The following SPOP variants were observed in gnomAD, a reference collection of about 807,000 sequenced individuals.
The protein encoded by SPOP is speckle type BTB/POZ protein.
SPOP carries 11 observed loss-of-function variants against 45.6 expected under a neutral mutation model. That is an observed-to-expected ratio of 0.24 (90% CI 0.15 to 0.40). SPOP has a LOEUF of 0.40. Ranked by LOEUF, SPOP falls within the 10% of genes least tolerant of loss-of-function variation. The probability of loss-of-function intolerance (pLI) is 1.00; values close to 1 mark genes in which losing one functional copy is unlikely to be tolerated. For synonymous variants in SPOP, 166 were observed against 166.3 expected, an observed-to-expected ratio of 1.00 and a Z score of 0.01; for missense variants, 152 against 465.6, an observed-to-expected ratio of 0.33 and a Z score of 6.20.
At chr17:49,622,686 A>G in intron 2 of SPOP, 47 bp downstream of exon 2, 2 of 1,557,916 alleles carry the variant, frequency 1.3e-6, no homozygotes, top group Non-Finnish European at 1.8e-6. Context: ...TTCGTCCACC[A>G]AATCCTCCCC....
chr17:49,608,086 ATATAT>A (rs769180675), intron 6 of SPOP, among the ~76,000 whole-genome samples, 157 bp from the exon 7 acceptor site: 6 of 152,154 alleles, frequency 3.9e-5, no homozygotes, highest in East Asian at 1.9e-4. Context: ...TCCTTTCTTC[ATATAT>A]TATAACAATA....
rs946343523 is a variant in SPOP at position 49,598,918 on chromosome 17, C to G, written c.*1460G>C. 10 of 186,158 alleles carry G rather than the reference C, an allele frequency of 5.4e-5. No homozygotes were observed. Among genetic ancestry groups the G allele is most frequent in the Non-Finnish European group, 1.1e-4 (10 of 87,792 alleles). 11.5% of individuals were successfully genotyped at this position (186,158 alleles called of 1,614,324 possible). A position where few individuals can be genotyped will look rare whatever the true frequency, so the allele number is the denominator to read the frequency against. On this transcript the variant is annotated 3_prime_UTR_variant, in exon 10 of 10. Transcript: ENST00000504102. ...ATAATTTCCCTTTATTTAATCTCCACATTTATGTCCCCTGGATCTTTTTAT... is the reference window on the plus strand; with the variant it reads ...ATAATTTCCCTTTATTTAATCTCCAGATTTATGTCCCCTGGATCTTTTTAT...
intron 1 of SPOP, among the ~76,000 whole-genome samples, chr17:49,653,806 T>C (rs1414247755): frequency 6.7e-6 from 1 of 149,068 alleles, no homozygotes; most frequent in Admixed American, 6.7e-5. Flanking sequence ...ACAAAAATAA[T>C]ATAAATATAT....
At position 49,600,278 on chromosome 17, in the gene SPOP, G is replaced by A. The variant is rs2071715931; in HGVS notation, c.*100C>T. The A allele has an allele frequency of 7.3e-6, 11 of 1,507,446 alleles. No homozygotes were observed. The highest frequency in any genetic ancestry group is 2.3e-5 in the East Asian group (1 of 44,206). 93.4% of individuals were successfully genotyped at this position (1,507,446 alleles called of 1,614,324 possible). A position where few individuals can be genotyped will look rare whatever the true frequency, so the allele number is the denominator to read the frequency against. On this transcript the variant is annotated 3_prime_UTR_variant, in exon 10 of 10. Coordinates refer to ENST00000504102, the MANE Select transcript of SPOP (RefSeq NM_001007228.2). The surrounding 1 kb of genome is among the most constrained non-coding windows in gnomAD (Gnocchi z 4.2). Reference sequence around the variant, plus strand: ...TGCAGTCTCTTCCCCTCACAACAGAGTAAAAGCTCCACAGATTGCGCTGTC... The same window carrying A: ...TGCAGTCTCTTCCCCTCACAACAGAATAAAAGCTCCACAGATTGCGCTGTC...
chr17:49,677,860 C>A (rs1048154984), intron 1 of SPOP, 73 bp downstream of exon 1: 1 of 393,984 alleles, frequency 2.5e-6, no homozygotes, highest in Non-Finnish European at 4.5e-6. Context: ...GGGTCAGTCA[C>A]CTCTTCAGGG....
intron 1 of SPOP, among the ~76,000 whole-genome samples, chr17:49,663,149 G>A (rs981223876): frequency 1.3e-5 from 2 of 152,368 alleles, no homozygotes; most frequent in East Asian, 3.9e-4. Context: ...CAGGAGGTGA[G>A]AGGTGGACGG....
intron 1 of SPOP, among the ~76,000 whole-genome samples, chr17:49,654,737 A>G (rs899795361): frequency 2.0e-5 from 3 of 152,292 alleles, no homozygotes; most frequent in African/African-American, 7.2e-5. Flanking sequence ...GTGGGCTGAG[A>G]TCGCATCAAT....
intron 1 of SPOP, among the ~76,000 whole-genome samples, chr17:49,676,357 T>A (rs2073199110): frequency 6.6e-6 from 1 of 152,150 alleles, no homozygotes; most frequent in African/African-American, 2.4e-5. Context: ...CTGTGTGTCA[T>A]CTCTTGGTTC....
intron 1 of SPOP, among the ~76,000 whole-genome samples, chr17:49,626,545 A>G (rs2072334969): frequency 6.6e-6 from 1 of 152,110 alleles, no homozygotes; most frequent in South Asian, 2.1e-4. Context: ...AAATACAAAA[A>G]TTAGCCGGGT....
At chr17:49,656,579 G>A (rs969973620) in intron 1 of SPOP, among the ~76,000 whole-genome samples, 3 of 151,986 alleles carry the variant, frequency 2.0e-5, no homozygotes, top group South Asian at 2.1e-4. Context: ...ATACCACCCC[G>A]AAAGCCAGAA....
At chr17:49,607,552 C>T (rs927294412) in intron 7 of SPOP, among the ~76,000 whole-genome samples, 180 bp from the exon 8 acceptor site, 1 of 152,116 alleles carries the variant, frequency 6.6e-6, no homozygotes, top group Non-Finnish European at 1.5e-5. Flanking sequence ...TCACATGTTC[C>T]ATCTTTGTTT....
At chr17:49,665,645 T>C (rs1305829964) in intron 1 of SPOP, among the ~76,000 whole-genome samples, 1 of 62,478 alleles carries the variant, frequency 1.6e-5, no homozygotes, top group South Asian at 6.2e-4. Context: ...TATATATATA[T>C]ACAGACACAC....
At chr17:49,652,354 G>GT (rs2072854140) in intron 1 of SPOP, among the ~76,000 whole-genome samples, 1 of 152,176 alleles carries the variant, frequency 6.6e-6, no homozygotes, top group Non-Finnish European at 1.5e-5. Flanking sequence ...TCTATTGCTT[G>GT]TGCCTAACTG....
chr17:49,644,615 T>A (rs986153101), intron 1 of SPOP, among the ~76,000 whole-genome samples: 2 of 152,176 alleles, frequency 1.3e-5, no homozygotes, highest in African/African-American at 4.8e-5. Context: ...ATATTCATAC[T>A]GTATAATAAA....
At chr17:49,601,413 C>A (rs1419840302) in intron 9 of SPOP, 1 of 152,610 alleles carries the variant, frequency 6.6e-6, no homozygotes, top group East Asian at 1.9e-4. Context: ...GATGAAGGAA[C>A]AGACCTAGTG....
At chr17:49,612,626 T>TTA in intron 5 of SPOP, among the ~76,000 whole-genome samples, 1 of 152,336 alleles carries the variant, frequency 6.6e-6, no homozygotes, top group African/African-American at 2.4e-5. Flanking sequence ...ATACAAGGAT[T>TTA]TATAAATCAT....
At position 49,598,993 on chromosome 17, in the gene SPOP, G is replaced by A. The variant is rs2143086074; in HGVS notation, c.*1385C>T. 1 of 200,910 alleles carries A rather than the reference G, an allele frequency of 5.0e-6. No homozygotes were observed. The highest frequency in any genetic ancestry group is 7.7e-5 in the East Asian group (1 of 13,038). 12.4% of individuals were successfully genotyped at this position (200,910 alleles called of 1,614,324 possible). ...GGATTAGGTCTTAAAACATACGGGGGGCAGTTTAAAAGCCCACTACCATTA... is the reference window on the plus strand; with the variant it reads ...GGATTAGGTCTTAAAACATACGGGGAGCAGTTTAAAAGCCCACTACCATTA... On this transcript the variant is annotated 3_prime_UTR_variant, in exon 10 of 10. Coordinates refer to ENST00000504102, the MANE Select transcript of SPOP (RefSeq NM_001007228.2).
At chr17:49,615,039 TG>T (rs2072055149) in intron 5 of SPOP, among the ~76,000 whole-genome samples, 1 of 152,048 alleles carries the variant, frequency 6.6e-6, no homozygotes, top group South Asian at 2.1e-4. Flanking sequence ...TTAATTTTTT[TG>T]TAGAGACAGG....
At chr17:49,629,966 G>A (rs1475439579) in intron 1 of SPOP, among the ~76,000 whole-genome samples, 1 of 152,164 alleles carries the variant, frequency 6.6e-6, no homozygotes, top group Non-Finnish European at 1.5e-5. Flanking sequence ...GCAATTTCAT[G>A]TGGTTCAACA....
Sources: gnomAD v4.1 joint callset for allele counts (sites outside exome capture counted in the v4.1 genomes callset) on GRCh38, gnomAD v4.1.1 for gene constraint, Gnocchi (gnomAD v3.1) non-coding constraint, MANE v1.5 for transcripts, NCBI Gene and HGNC (gene_info 2026-07-23, HGNC 2026-07-21) for gene names.